Variants in ATE1 observed in about 807,000 individuals in gnomAD.
ATE1 encodes the protein arginyl-tRNA--protein transferase 1.
ATE1 carries 36 observed loss-of-function variants against 70.5 expected under a neutral mutation model. That is an observed-to-expected ratio of 0.51 (90% CI 0.39 to 0.67). The LOEUF (loss-of-function observed/expected upper bound fraction) is 0.67, where lower values mean the gene tolerates loss of function less well. Ranked by LOEUF, ATE1 falls within the 30% of genes least tolerant of loss-of-function variation. ATE1 has a pLI of 0.00. For synonymous variants in ATE1, 232 were observed against 219.3 expected (o/e 1.06, Z -0.51); for missense variants, 593 against 629.5 (o/e 0.94, Z 0.62).
chr10:121,892,022 C>T (rs578175575), intron 7 of ATE1, among the ~76,000 whole-genome samples: 196 of 152,236 alleles, frequency 1.3e-3, no homozygotes, highest in African/African-American at 4.5e-3. Flanking sequence ...CATTTCCTGA[C>T]GTAGAAAACT....
chr10:121,896,275 C>T (rs373585229), intron 7 of ATE1, among the ~76,000 whole-genome samples: 3 of 152,124 alleles, frequency 2.0e-5, no homozygotes, highest in African/African-American at 7.2e-5. Flanking sequence ...CGTATCTGAT[C>T]ATCCCACATT....
rs185720744 is a variant in ATE1 at position 121,839,290 on chromosome 10, T to C, written c.1157+1792A>G. On this transcript the variant is annotated intron_variant, in intron 9 of 11. Coordinates refer to ENST00000224652, the MANE Select transcript of ATE1 (RefSeq NM_001001976.3). ...GAATTAATTATTTACCATATCAATATCTAAACTATCACTCAGTTTATTGAG... is the reference window on the plus strand; with the variant it reads ...GAATTAATTATTTACCATATCAATACCTAAACTATCACTCAGTTTATTGAG... Among the ~76,000 whole-genome samples, 210 of 152,330 alleles carry C rather than the reference T, an allele frequency of 1.4e-3. 2 individuals are homozygous for C. The highest frequency in any genetic ancestry group is 2.6e-4 in the Non-Finnish European group (18 of 68,030).
chr10:121,904,640 CAA>C (rs778557337), intron 5 of ATE1, among the ~76,000 whole-genome samples: 3,982 of 46,070 alleles, frequency 0.086, 54 homozygotes, highest in African/African-American at 0.25. Flanking sequence ...GACTCCGTCT[CAA>C]AAAAAAAAAA....
At chr10:121,903,178 C>G (rs964762601) in intron 5 of ATE1, among the ~76,000 whole-genome samples, 3 of 146,136 alleles carry the variant, frequency 2.1e-5, no homozygotes, top group Admixed American at 6.9e-5. Context: ...AATGAGCCAC[C>G]AGGCCCGGCC....
chr10:121,761,257 TA>T (rs1229499323), intron 11 of ATE1, among the ~76,000 whole-genome samples: 1 of 152,280 alleles, frequency 6.6e-6, no homozygotes, highest in East Asian at 1.9e-4. Flanking sequence ...ACCTCCTCTT[TA>T]TAAACTACCC....
chr10:121,912,037 T>C (rs972418992), intron 4 of ATE1, among the ~76,000 whole-genome samples: 14 of 151,234 alleles, frequency 9.3e-5, no homozygotes, highest in African/African-American at 3.4e-4. Flanking sequence ...TGAACCACCA[T>C]GCCCGGCCAA....
intron 8 of ATE1, among the ~76,000 whole-genome samples, chr10:121,842,234 C>T (rs1412251748): frequency 6.6e-6 from 1 of 152,096 alleles, no homozygotes; most frequent in African/African-American, 2.4e-5. Context: ...TAACCATCTT[C>T]CTGTAAATAT....
rs368614677 is a variant in ATE1, at chr10:121,835,506, T to C, written c.1257+1212A>G. Among the ~76,000 whole-genome samples the C allele has an allele frequency of 2.0e-5, 3 of 148,602 alleles. No individual in the cohort carries two copies. The East Asian group carries it at 6.3e-4, about 31-fold the overall frequency. ...GCTGGGGGAGGGGGGTGGGGATTTA[T>C]TGATTTAAAGAGATTTAAGAGACAC... On this transcript the variant is annotated intron_variant, in intron 10 of 11. Coordinates refer to ENST00000224652, the MANE Select transcript of ATE1 (RefSeq NM_001001976.3).
At chr10:121,862,786 T>A (rs1228484093) in intron 8 of ATE1, among the ~76,000 whole-genome samples, 9 of 152,066 alleles carry the variant, frequency 5.9e-5, no homozygotes, top group Admixed American at 5.9e-4. Context: ...GCAGATGGCA[T>A]CAAAAGTGAC....
At chr10:121,863,252 CT>C (rs1162295975) in intron 8 of ATE1, among the ~76,000 whole-genome samples, 2,906 of 127,316 alleles carry the variant, frequency 0.023, 27 homozygotes, top group African/African-American at 0.075. Flanking sequence ...CTGAAGTCTA[CT>C]TTTTTTTTTT....
chr10:121,797,811 T>C (rs1174892843), intron 10 of ATE1, among the ~76,000 whole-genome samples: 1 of 152,242 alleles, frequency 6.6e-6, no homozygotes, highest in Non-Finnish European at 1.5e-5. Context: ...CTTTAAGTTT[T>C]TGCTCAACGT....
At chr10:121,765,859 A>G (rs946005459) in intron 11 of ATE1, among the ~76,000 whole-genome samples, 2 of 152,156 alleles carry the variant, frequency 1.3e-5, no homozygotes, top group African/African-American at 4.8e-5. Flanking sequence ...GCAATTTGAT[A>G]AAGTGAATCT....
chr10:121,926,969 A>G, intron 1 of ATE1: 1 of 985,472 alleles, frequency 1.0e-6, no homozygotes, highest in Non-Finnish European at 1.2e-6. Flanking sequence ...ACACACCGTT[A>G]TCGACCAAAT....
intron 11 of ATE1, among the ~76,000 whole-genome samples, chr10:121,785,901 CAG>C (rs1946185789): frequency 6.6e-6 from 1 of 151,972 alleles, no homozygotes; most frequent in Admixed American, 6.5e-5. Context: ...ATGTATAGAA[CAG>C]AATGAAATGT....
intron 8 of ATE1, among the ~76,000 whole-genome samples, chr10:121,843,112 G>A (rs1948692471): frequency 6.6e-6 from 1 of 152,034 alleles, no homozygotes; most frequent in African/African-American, 2.4e-5. Flanking sequence ...ATTGAAATAA[G>A]CAATTACAGC....
upstream of ATE1, chr10:121,928,118 C>T: frequency 3.2e-6 from 4 of 1,232,742 alleles, no homozygotes; most frequent in Non-Finnish European, 4.1e-6. Context: ...TGACGCCGCC[C>T]GCGCCATCTT....
intron 11 of ATE1, among the ~76,000 whole-genome samples, chr10:121,748,241 T>C (rs189527017): frequency 3.9e-5 from 6 of 152,352 alleles, no homozygotes; most frequent in Admixed American, 3.9e-4. Context: ...AGATCTGATA[T>C]GTCATTTTAT....
At chr10:121,910,022 C>T (rs962427111) in intron 5 of ATE1, among the ~76,000 whole-genome samples, 2 of 152,114 alleles carry the variant, frequency 1.3e-5, no homozygotes, top group Non-Finnish European at 2.9e-5. Flanking sequence ...CCAGCCTAGG[C>T]GGCAGAGCAA....
At chr10:121,852,710 CAAAA>C (rs1263989653) in intron 8 of ATE1, among the ~76,000 whole-genome samples, 3 of 151,752 alleles carry the variant, frequency 2.0e-5, no homozygotes, top group African/African-American at 7.3e-5. Context: ...GACTCTGTCT[CAAAA>C]AAATAAATAA....
Sources: gnomAD v4.1 joint callset for allele counts (sites outside exome capture counted in the v4.1 genomes callset) on GRCh38, gnomAD v4.1.1 for gene constraint, MANE v1.5 for transcripts, NCBI Gene and HGNC (gene_info 2026-07-23, HGNC 2026-07-21) for gene names.